MMP24: variants seen among roughly 807,000 people sequenced by gnomAD.
MMP24 encodes the protein matrix metallopeptidase 24, also known as matrix metalloproteinase-24.
Under a neutral mutation model 62.8 loss-of-function variants are expected in MMP24, and 25 were observed. The ratio of observed to expected loss-of-function variants is 0.40; its 90% CI spans 0.29 to 0.56. The LOEUF (loss-of-function observed/expected upper bound fraction) is 0.56. Ranked by LOEUF, MMP24 falls within the 20% of genes least tolerant of loss-of-function variation. MMP24 has a pLI of 0.50. For missense variants in MMP24, 634 were observed against 853.6 expected (o/e 0.74, Z 3.21); for synonymous variants, 319 against 350.5 (o/e 0.91, Z 1.00).
In MMP24 at chr20:35,269,903, T is replaced by C. The variant is rs1170528185; in HGVS notation, c.1333+5T>C. On this transcript the variant is annotated splice_donor_5th_base_variant and intron_variant, in intron 7 of 8. Transcript: ENST00000246186. The surrounding 1 kb of genome is among the most constrained non-coding windows in gnomAD (Gnocchi z 4.6). ...GGAGATTTGTCTTCTTCAAAGGTAA[T>C]GTAGACTGTGCTGTGGGACAGTTCC... The C allele has an allele frequency of 3.2e-6, 5 of 1,551,686 alleles. No individual in the cohort carries two copies. Among genetic ancestry groups the C allele is most frequent in the African/African-American group, 1.4e-5 (1 of 73,052 alleles).
intron 4 of MMP24, among the ~76,000 whole-genome samples, chr20:35,255,833 A>C (rs1265019900): frequency 5.9e-5 from 9 of 152,168 alleles, no homozygotes; most frequent in Admixed American, 4.6e-4. Flanking sequence ...ACTCTAATGA[A>C]CATGATACAA....
At chr20:35,272,363 C>T (rs544700570) in intron 8 of MMP24, among the ~76,000 whole-genome samples, 12 of 152,280 alleles carry the variant, frequency 7.9e-5, no homozygotes, top group Non-Finnish European at 1.5e-4. Flanking sequence ...ATCAGCCTCC[C>T]GAGTAGTTGG....
intron 2 of MMP24, among the ~76,000 whole-genome samples, chr20:35,247,882 C>G (rs1242186130): frequency 3.9e-5 from 6 of 151,996 alleles, no homozygotes; most frequent in Admixed American, 3.3e-4. Flanking sequence ...GAAGAGGTGG[C>G]AAGTGGAGGG....
chr20:35,272,955 CG>C (rs1268968091), intron 8 of MMP24, among the ~76,000 whole-genome samples: 1 of 152,134 alleles, frequency 6.6e-6, no homozygotes, highest in Non-Finnish European at 1.5e-5. Flanking sequence ...TAGCTGCTAT[CG>C]TCATCATCAT....
In MMP24 at chr20:35,275,953, C is replaced by T. The variant is rs558598050; in HGVS notation, c.*1344C>T. On this transcript the variant is annotated 3_prime_UTR_variant, in exon 9 of 9. Coordinates refer to ENST00000246186, the MANE Select transcript of MMP24 (RefSeq NM_006690.4). ...GCTTGGCCTGCCTTGCTCCACAGTA[C>T]GGCGGAGGCAGCCCTGCTTGTCACT... The T allele has an allele frequency of 1.1e-4, 43 of 398,592 alleles. No homozygotes were observed. The highest frequency in any genetic ancestry group is 7.5e-4 in the Admixed American group (17 of 22,734). The allele number at this position is 398,592 out of a possible 1,614,324, so 24.7% of individuals were successfully genotyped here. A position where few individuals can be genotyped will look rare whatever the true frequency, so the allele number is the denominator to read the frequency against.
At chr20:35,245,148 T>TAGGAC (rs2060508120) in intron 1 of MMP24, among the ~76,000 whole-genome samples, 2 of 152,162 alleles carry the variant, frequency 1.3e-5, no homozygotes, top group Non-Finnish European at 2.9e-5. Context: ...TGCCTCAGCC[T>TAGGAC]CCCAAGTAGC....
At chr20:35,249,921 G>A (rs1383865609) in intron 2 of MMP24, among the ~76,000 whole-genome samples, 1 of 151,956 alleles carries the variant, frequency 6.6e-6, no homozygotes. Flanking sequence ...TTACCTCACA[G>A]TGTTGTTTTG....
At chr20:35,253,270 C>CTTTTTTTTTTTTTTTGTTTTTTT (rs2060557346) in intron 3 of MMP24, among the ~76,000 whole-genome samples, 1 of 79,078 alleles carries the variant, frequency 1.3e-5, no homozygotes, top group African/African-American at 5.8e-5. Flanking sequence ...CAGAACGGGA[C>CTTTTTTTTTTTTTTTGTTTTTTT]TTTTTTTTTT....
Position 35,246,895 on chromosome 20 carries a change from T to G in MMP24, c.302T>G (p.Leu101Arg). ...LLPYDSRASA[L>R]HSAKALQSAV... ...CCCTATGACTCACGGGCATCTGCGCTGCACTCAGCGAAGGCCTTGCAGTCG... is the reference window on the plus strand; with the variant it reads ...CCCTATGACTCACGGGCATCTGCGCGGCACTCAGCGAAGGCCTTGCAGTCG... Residue 101 changes from leucine to arginine, a missense_variant, in exon 2 of 9, where the codon CTG becomes CGG. Around this residue, in one of 3 missense-constraint regions of MMP24, gnomAD observed 212 missense variants for 259.6 expected, o/e 0.82. Coordinates refer to ENST00000246186, the MANE Select transcript of MMP24 (RefSeq NM_006690.4). 6.2e-7 allele frequency: 1 copy of G among 1,614,060 alleles called. No individual in the cohort carries two copies. The highest frequency in any genetic ancestry group is 1.1e-5 in the South Asian group (1 of 91,088).
chr20:35,261,413 G>C (rs992459305), intron 4 of MMP24, among the ~76,000 whole-genome samples: 2 of 152,220 alleles, frequency 1.3e-5, no homozygotes, highest in African/African-American at 2.4e-5. Flanking sequence ...CGGTGAGGTA[G>C]GTCTGATGCC....
chr20:35,227,536 G>A (rs560600000), intron 1 of MMP24, among the ~76,000 whole-genome samples: 1 of 152,056 alleles, frequency 6.6e-6, no homozygotes, highest in African/African-American at 2.4e-5. Flanking sequence ...ATTTGGGCTC[G>A]ATATAGGAAG....
intron 4 of MMP24, among the ~76,000 whole-genome samples, chr20:35,261,617 C>G (rs575693606): frequency 6.6e-6 from 1 of 152,242 alleles, no homozygotes; most frequent in African/African-American, 2.4e-5. Flanking sequence ...TTTTCACCTA[C>G]ACTTGAATCC....
At position 35,263,832 on chromosome 20, in the gene MMP24, G is replaced by A. The variant is rs775114637; in HGVS notation, c.859G>A (p.Ala287Thr). 12 of 1,604,442 alleles carry A rather than the reference G, an allele frequency of 7.5e-6. No individual in the cohort carries two copies. The highest frequency in any genetic ancestry group is 2.3e-5 in the East Asian group (1 of 44,364). ...FLVAVHELGHALGLEHSSDPS... is the reference protein window; with the variant it reads ...FLVAVHELGHTLGLEHSSDPS... The stretch of plus-strand genomic sequence containing the variant: ...GGTGGCTGTGCATGAGCTGGGCCAC[G>A]CGCTGGGACTGGAGCACTCCAGCGA... Residue 287 changes from alanine to threonine, a missense_variant, in exon 5 of 9, where the codon GCG becomes ACG. Physicochemically the swap from Ala to Thr is moderately conservative, Grantham distance 58. This residue lies in a region of MMP24 where 399 missense variants were observed against 530.8 expected (regional missense o/e 0.75). Transcript: ENST00000246186.
rs1435824029 is a variant in MMP24, at chr20:35,226,816, G to C, written c.78G>C (p.Trp26Cys). 1 of 978,580 alleles carries C rather than the reference G, an allele frequency of 1.0e-6. No individual in the cohort carries two copies. The highest frequency in any genetic ancestry group is 1.2e-6 in the Non-Finnish European group (1 of 827,012). The allele number at this position is 978,580 out of a possible 1,614,324, so 60.6% of individuals were successfully genotyped here. ...PPPPPGQAPR[W>C]SRWRVPGRLL... Reference sequence around the variant, plus strand: ...CGCCGCCGGGCCAGGCCCCGCGCTGGAGCCGCTGGCGGGTCCCTGGGCGGC... The same window carrying C: ...CGCCGCCGGGCCAGGCCCCGCGCTGCAGCCGCTGGCGGGTCCCTGGGCGGC... Residue 26 changes from tryptophan (W) to cysteine (C), a missense_variant, in exon 1 of 9, where the codon TGG (tryptophan) becomes TGC (cysteine). Coordinates refer to ENST00000246186, the MANE Select transcript of MMP24 (RefSeq NM_006690.4).
intron 4 of MMP24, among the ~76,000 whole-genome samples, chr20:35,257,481 G>A (rs1445260409): frequency 6.6e-6 from 1 of 152,210 alleles, no homozygotes; most frequent in Non-Finnish European, 1.5e-5. Flanking sequence ...GGCACTGTTA[G>A]CTGATAGGGT....
In MMP24 at chr20:35,268,802, C is replaced by T. The variant is rs909261804; in HGVS notation, c.1195-958C>T. Among the ~76,000 whole-genome samples the T allele has an allele frequency of 8.6e-5, 13 of 152,024 alleles. No homozygotes were observed. In the East Asian group the frequency reaches 9.7e-4, roughly 11 times the overall value. Reference sequence around the variant, plus strand: ...CAACACTTTGGGAGGCCAAGGAGGGCGGATCATAAGGTCAGGAGATCAAGA... The same window carrying T: ...CAACACTTTGGGAGGCCAAGGAGGGTGGATCATAAGGTCAGGAGATCAAGA... On this transcript the variant is annotated intron_variant, in intron 6 of 8. Coordinates refer to ENST00000246186, the MANE Select transcript of MMP24 (RefSeq NM_006690.4).
In MMP24 at chr20:35,253,270, C is replaced by CTTTTTTTTTTTTTTTT. The variant is rs34474017; in HGVS notation, c.513-1172_513-1157dup. Among the ~76,000 whole-genome samples, 54 of 79,038 alleles carry CTTTTTTTTTTTTTTTT rather than the reference C, an allele frequency of 6.8e-4. 2 individuals are homozygous for CTTTTTTTTTTTTTTTT. Among genetic ancestry groups the CTTTTTTTTTTTTTTTT allele is most frequent in the African/African-American group, 9.9e-4 (17 of 17,176 alleles). 51.9% of individuals were successfully genotyped at this position (79,038 alleles called of 152,430 possible). On this transcript the variant is annotated intron_variant, in intron 3 of 8. Transcript: ENST00000246186. The stretch of plus-strand genomic sequence containing the variant: ...GACAAGCACTCCCTACAGAACGGGA[C>CTTTTTTTTTTTTTTTT]TTTTTTTTTTTTTTTTTTTTTTTCA...
At chr20:35,255,962 TAGAC>T (rs1260422824) in intron 4 of MMP24, 4 of 152,106 alleles carry the variant, frequency 2.6e-5, no homozygotes, top group Non-Finnish European at 5.9e-5. Flanking sequence ...AACCCTGTCA[TAGAC>T]AGACTCTACC....
intron 3 of MMP24, among the ~76,000 whole-genome samples, chr20:35,253,774 T>C (rs1013894131): frequency 3.3e-5 from 5 of 152,208 alleles, no homozygotes; most frequent in African/African-American, 7.2e-5. Context: ...CTCTCTATTA[T>C]TTGAATATTT....
Sources: gnomAD v4.1 joint callset for allele counts (sites outside exome capture counted in the v4.1 genomes callset) on GRCh38, gnomAD v4.1.1 for gene constraint, gnomAD v4.1.1 regional missense constraint, Gnocchi (gnomAD v3.1) non-coding constraint, MANE v1.5 for transcripts, NCBI Gene and HGNC (gene_info 2026-07-23, HGNC 2026-07-21) for gene names.